Variants in AUTS2 observed in about 807,000 individuals in gnomAD.
AUTS2 encodes activator of transcription and developmental regulator AUTS2, also known as autism susceptibility gene 2 protein.
In AUTS2, 17 loss-of-function variants were observed where a neutral mutation model predicts 112.4. That is an observed-to-expected ratio of 0.15 (90% CI 0.10 to 0.23). The LOEUF is 0.23. Ranked by LOEUF, AUTS2 falls within the 10% of genes least tolerant of loss-of-function variation. The pLI, the probability that AUTS2 is intolerant of heterozygous loss-of-function variation, is 1.00. For missense variants in AUTS2, 1,510 were observed against 1,701.6 expected (o/e 0.89, Z 1.98); for synonymous variants, 751 against 702.7 (o/e 1.07, Z -1.09).
intron 3 of AUTS2, chr7:70,120,019 C>T (rs895453834): frequency 2.0e-5 from 3 of 151,970 alleles, no homozygotes; most frequent in Admixed American, 2.0e-4. Flanking sequence ...TTTTTAAATA[C>T]GTGGATTTAA....
In AUTS2 at chr7:70,775,491, A is replaced by G. The variant is rs181785443; in HGVS notation, c.1932+105A>G. ...AAATAAGCCATAGAAATGTTGGAAT[A>G]AGACATTGGAATGACGGTGATTGGG... On this transcript the variant is annotated intron_variant, in intron 13 of 18. Transcript: ENST00000342771. 1.1e-3 allele frequency: 1,018 copies of G among 906,336 alleles called. 11 individuals carry two copies. The highest frequency in any genetic ancestry group is 9.6e-3 in the South Asian group (618 of 64,152). 56.1% of individuals were successfully genotyped at this position (906,336 alleles called of 1,614,324 possible).
intron 4 of AUTS2, among the ~76,000 whole-genome samples, chr7:70,208,071 T>G (rs768464197): frequency 1.6e-4 from 22 of 138,510 alleles, no homozygotes; most frequent in Non-Finnish European, 2.9e-4. Flanking sequence ...AAAAAAGGAG[T>G]GTGTGTATTT....
chr7:70,017,683 T>C (rs1800089720), intron 2 of AUTS2, among the ~76,000 whole-genome samples: 1 of 152,182 alleles, frequency 6.6e-6, no homozygotes. Context: ...ATATTTTCAG[T>C]CTTCCTCCAG....
intron 6 of AUTS2, among the ~76,000 whole-genome samples, chr7:70,731,868 T>C (rs1787423454): frequency 6.6e-6 from 1 of 152,142 alleles, no homozygotes; most frequent in African/African-American, 2.4e-5. Context: ...ATATATATCA[T>C]AACCTTTTAT....
In AUTS2 at chr7:70,373,856, C is replaced by A. The variant is rs113910848; in HGVS notation, c.661-61896C>A. 2.8e-4 allele frequency among the ~76,000 whole-genome samples: 43 copies of A among 151,960 alleles called. 3 individuals are homozygous for A. Among genetic ancestry groups the A allele is most frequent in the African/African-American group, 9.4e-4 (39 of 41,474 alleles). ...CTTTTTTCTGTTCATATTTAGTGAA[C>A]ATAATTTAGTGAATCGTATATACTG... On this transcript the variant is annotated intron_variant, in intron 4 of 18. Transcript: ENST00000342771.
chr7:70,223,966 G>A (rs1156982903), intron 4 of AUTS2, among the ~76,000 whole-genome samples: 2 of 149,842 alleles, frequency 1.3e-5, no homozygotes, highest in Non-Finnish European at 2.9e-5. Flanking sequence ...CCAAGTATCT[G>A]GGATTACCCA....
chr7:70,426,097 T>C (rs1478046262), intron 4 of AUTS2, among the ~76,000 whole-genome samples: 1 of 152,140 alleles, frequency 6.6e-6, no homozygotes, highest in Non-Finnish European at 1.5e-5. Flanking sequence ...CAGGCAGGCT[T>C]TGCACCCAGG....
chr7:70,616,881 A>T (rs1320738499), intron 5 of AUTS2, among the ~76,000 whole-genome samples: 1 of 151,760 alleles, frequency 6.6e-6, no homozygotes, highest in Non-Finnish European at 1.5e-5. Flanking sequence ...AAGTGACAAG[A>T]TTAAGAGCAG....
At chr7:70,150,308 G>A (rs1180878476) in intron 4 of AUTS2, among the ~76,000 whole-genome samples, 2 of 152,198 alleles carry the variant, frequency 1.3e-5, no homozygotes, top group East Asian at 3.9e-4. Flanking sequence ...TCTGAGGTAG[G>A]AAAATATTGT....
chr7:70,326,963 G>A lies in AUTS2; in HGVS notation c.661-108789G>A, dbSNP rs1476693846. Among the ~76,000 whole-genome samples the A allele has an allele frequency of 4.2e-5, 6 of 143,734 alleles. No homozygotes were observed. In the East Asian group the frequency reaches 1.0e-3, roughly 25 times the overall value. The allele number at this position is 143,734 out of a possible 152,430, so 94.3% of individuals were successfully genotyped here. A position where few individuals can be genotyped will look rare whatever the true frequency, so the allele number is the denominator to read the frequency against. ...GACGGAATTTCGCTCTGTCGCCCAG[G>A]CTGGAGAGCAGTGGCATGATCTTGG... On this transcript the variant is annotated intron_variant, in intron 4 of 18. Transcript: ENST00000342771.
intron 2 of AUTS2, among the ~76,000 whole-genome samples, chr7:69,901,472 T>C (rs1794968714): frequency 6.6e-6 from 1 of 152,162 alleles, no homozygotes; most frequent in African/African-American, 2.4e-5. Flanking sequence ...GGTGACAGAG[T>C]TTTATGATCG....
chr7:69,992,618 G>A (rs942244491), intron 2 of AUTS2, among the ~76,000 whole-genome samples: 1 of 152,222 alleles, frequency 6.6e-6, no homozygotes, highest in African/African-American at 2.4e-5. Context: ...AGCACTTTGG[G>A]AAGCCGAGGA....
chr7:69,680,873 T>C (rs550622277), intron 1 of AUTS2, among the ~76,000 whole-genome samples: 1 of 152,290 alleles, frequency 6.6e-6, no homozygotes, highest in Admixed American at 6.5e-5. Flanking sequence ...TTTCACCATA[T>C]TGGCCAGGCT....
At chr7:70,351,225 A>T (rs1054631579) in intron 4 of AUTS2, among the ~76,000 whole-genome samples, 1 of 150,416 alleles carries the variant, frequency 6.6e-6, no homozygotes, top group Non-Finnish European at 1.5e-5. Context: ...TAATTTTTGT[A>T]TTTTTTTTAG....
chr7:69,610,637 A>G (rs149026444), intron 1 of AUTS2, among the ~76,000 whole-genome samples: 1 of 152,296 alleles, frequency 6.6e-6, no homozygotes, highest in East Asian at 1.9e-4. Context: ...TTTATACCTC[A>G]CTTGGTCGGT....
chr7:70,261,404 T>TTATA (rs1787163167), intron 4 of AUTS2, among the ~76,000 whole-genome samples: 1 of 152,206 alleles, frequency 6.6e-6, no homozygotes, highest in South Asian at 2.1e-4. Context: ...GTGGTGGCAG[T>TTATA]TATATAGATA....
chr7:69,725,115 C>T (rs1025683652), intron 1 of AUTS2, among the ~76,000 whole-genome samples: 18 of 152,086 alleles, frequency 1.2e-4, no homozygotes, highest in Non-Finnish European at 4.4e-5. Context: ...CATATAGTCA[C>T]CCCATCCTCT....
intron 5 of AUTS2, among the ~76,000 whole-genome samples, chr7:70,454,489 A>G (rs1181772995): frequency 6.6e-6 from 1 of 152,170 alleles, no homozygotes; most frequent in East Asian, 1.9e-4. Flanking sequence ...GTAAGCCGAG[A>G]TCACGCCATT....
intron 1 of AUTS2, among the ~76,000 whole-genome samples, chr7:69,779,681 T>C (rs1355842876): frequency 6.7e-6 from 1 of 150,024 alleles, no homozygotes; most frequent in Non-Finnish European, 1.5e-5. Context: ...GAGAATCACT[T>C]GAACTCGGGA....
Sources: gnomAD v4.1 joint callset for allele counts (sites outside exome capture counted in the v4.1 genomes callset) on GRCh38, gnomAD v4.1.1 for gene constraint, MANE v1.5 for transcripts, NCBI Gene and HGNC (gene_info 2026-07-23, HGNC 2026-07-21) for gene names.